Variants in USP39 observed in about 807,000 individuals in gnomAD.
USP39 encodes the protein ubiquitin specific peptidase 39.
USP39 carries 38 observed loss-of-function variants against 66.4 expected under a neutral mutation model. The ratio of observed to expected loss-of-function variants is 0.57; its 90% CI spans 0.44 to 0.75. USP39 has a LOEUF of 0.75. Ranked by LOEUF, USP39 falls within the 30% of genes least tolerant of loss-of-function variation. The pLI, the probability that USP39 is intolerant of heterozygous loss-of-function variation, is 0.00. For synonymous variants in USP39, 303 were observed against 274.6 expected, an observed-to-expected ratio of 1.10 and a Z score of -1.02; for missense variants, 608 against 714.4, an observed-to-expected ratio of 0.85 and a Z score of 1.70.
At chr2:85,634,575 C>G (rs569631517) in intron 6 of USP39, among the ~76,000 whole-genome samples, 1 of 152,050 alleles carries the variant, frequency 6.6e-6, no homozygotes, top group African/African-American at 2.4e-5. Flanking sequence ...CGCTGTGTCG[C>G]GAAGAAAAAA....
intron 5 of USP39, among the ~76,000 whole-genome samples, chr2:85,629,968 T>C (rs910802051): frequency 1.3e-5 from 2 of 149,984 alleles, no homozygotes; most frequent in African/African-American, 2.4e-5. Context: ...TCTCCAAAAA[T>C]AAAAAAAAAA....
intron 5 of USP39, 145 bp from the exon 6 acceptor site, chr2:85,630,576 A>G (rs1675242121): frequency 1.4e-6 from 1 of 690,698 alleles, no homozygotes. Flanking sequence ...CCTGGGTAGG[A>G]TTCTCCAAGG....
Position 85,636,041 on chromosome 2 carries a change from C to G in USP39, c.950-12C>G. On this transcript the variant is annotated splice_polypyrimidine_tract_variant and intron_variant, in intron 6 of 12. Coordinates refer to ENST00000323701, the MANE Select transcript of USP39 (RefSeq NM_006590.4). ...TTAGCTTCAACGTTTTCCACCCTTC[C>G]TTTTTTTCCAGGAGATGGCGTTGAC... 6.2e-7 allele frequency: 1 copy of G among 1,611,892 alleles called. No individual in the cohort carries two copies. The highest frequency in any genetic ancestry group is 8.5e-7 in the Non-Finnish European group (1 of 1,178,016).
chr2:85,613,505 AAC>A (rs1673711424), upstream of USP39, among the ~76,000 whole-genome samples: 1 of 130,036 alleles, frequency 7.7e-6, no homozygotes, highest in African/African-American at 3.5e-5. Flanking sequence ...AAAAACAAAA[AAC>A]AAAAACAAAA....
chr2:85,607,353 G>A (rs1373081543), upstream of USP39: 1 of 152,194 alleles, frequency 6.6e-6, no homozygotes, highest in Non-Finnish European at 1.5e-5. Flanking sequence ...GTTAACATTA[G>A]AAGTCAAAAG....
chr2:85,633,984 C>T (rs888090210), intron 6 of USP39, among the ~76,000 whole-genome samples: 1 of 149,782 alleles, frequency 6.7e-6, no homozygotes, highest in African/African-American at 2.5e-5. Flanking sequence ...ACTACAGGCG[C>T]CCGCCACTAC....
Position 85,630,943 on chromosome 2 carries a change from C to G in USP39, c.946C>G (p.Gln316Glu). The G allele has an allele frequency of 3.1e-6, 5 of 1,613,734 alleles. No individual in the cohort carries two copies. The highest frequency in any genetic ancestry group is 4.2e-6 in the Non-Finnish European group (5 of 1,179,768). The change falls in exon 6 of 13, where the codon CAA (glutamine) becomes GAA (glutamate). Residue 316 changes from glutamine (Q) to glutamate (E), a missense_variant. Transcript: ENST00000323701. ...CSKKTFQITK[Q>E]GDGVDFLSWF... ...TAAGAAGACTTTTCAGATCACCAAA[C>G]AAGGTAAGAACAAGTCATTCATGTT... is the stretch of plus-strand genomic sequence containing the variant.
chr2:85,638,744 T>G (rs1484085193), intron 8 of USP39, among the ~76,000 whole-genome samples: 2 of 151,780 alleles, frequency 1.3e-5, no homozygotes, highest in Non-Finnish European at 2.9e-5. Context: ...TCCGTGTTGG[T>G]CACGTTGGTC....
At position 85,641,022 on chromosome 2, in the gene USP39, C is replaced by T; in HGVS notation, c.1331C>T (p.Thr444Ile). The T allele has an allele frequency of 6.2e-7, 1 of 1,613,842 alleles. No homozygotes were observed. Among genetic ancestry groups the T allele is most frequent in the Non-Finnish European group, 8.5e-7 (1 of 1,179,940 alleles). The change falls in exon 10 of 13, where the codon ACC becomes ATC. Residue 444 changes from threonine to isoleucine, a missense_variant. By Grantham distance (89) the Thr-to-Ile change is moderately conservative. This residue lies in a region of USP39 where 164 missense variants were observed against 250.3 expected (regional missense o/e 0.66). Coordinates refer to ENST00000323701, the MANE Select transcript of USP39 (RefSeq NM_006590.4). ...KENFLKRFQL[T>I]KLPPYLIFCI... ...AACTTTCTGAAGCGCTTCCAGCTTA[C>T]CAAGTTGCCTCCATATCTAATCTTT...
chr2:85,615,368 C>G (rs1488723289), upstream of USP39, among the ~76,000 whole-genome samples: 1 of 152,122 alleles, frequency 6.6e-6, no homozygotes, highest in Non-Finnish European at 1.5e-5. Flanking sequence ...AATTATACCT[C>G]AATGGAACGG....
At chr2:85,642,123 G>T (rs977582757) in intron 10 of USP39, among the ~76,000 whole-genome samples, 5 of 152,064 alleles carry the variant, frequency 3.3e-5, no homozygotes, top group Non-Finnish European at 7.4e-5. Context: ...AGCCCTAGGG[G>T]TTTGTCCAGG....
At position 85,649,028 on chromosome 2, in the gene USP39, T is replaced by A; in HGVS notation, c.*220T>A. The A allele has an allele frequency of 1.7e-6, 1 of 590,232 alleles. No homozygotes were observed. Among genetic ancestry groups the A allele is most frequent in the Non-Finnish European group, 3.0e-6 (1 of 329,514 alleles). The allele number at this position is 590,232 out of a possible 1,614,324, so 36.6% of individuals were successfully genotyped here. On this transcript the variant is annotated 3_prime_UTR_variant, in exon 13 of 13. Coordinates refer to ENST00000323701, the MANE Select transcript of USP39 (RefSeq NM_006590.4). ...TCATTTTTTTCTAGATTGATGCTCC[T>A]TTCTCCCATGCATTGAGCTCCCATC...
At chr2:85,635,412 T>C (rs528095035) in intron 6 of USP39, among the ~76,000 whole-genome samples, 1 of 152,026 alleles carries the variant, frequency 6.6e-6, no homozygotes, top group Admixed American at 6.6e-5. Flanking sequence ...ATACAAAAAT[T>C]AGCTGGGCAT....
At chr2:85,626,982 C>T (rs943306314) in intron 5 of USP39, among the ~76,000 whole-genome samples, 3 of 151,964 alleles carry the variant, frequency 2.0e-5, no homozygotes, top group African/African-American at 4.8e-5. Flanking sequence ...CTCCTGACCT[C>T]GTGATCCACC....
upstream of USP39, among the ~76,000 whole-genome samples, chr2:85,614,686 A>G (rs1166463169): frequency 1.2e-4 from 18 of 152,182 alleles, no homozygotes. Flanking sequence ...TAAAGGATTA[A>G]TTTTATTATT....
chr2:85,613,095 C>T (rs1673678938), upstream of USP39, among the ~76,000 whole-genome samples: 1 of 152,036 alleles, frequency 6.6e-6, no homozygotes, highest in Non-Finnish European at 1.5e-5. Context: ...TGCAGTGGCT[C>T]ATGTCTGTAA....
intron 4 of USP39, among the ~76,000 whole-genome samples, chr2:85,624,260 T>C (rs1674681100): frequency 6.6e-6 from 1 of 152,078 alleles, no homozygotes. Flanking sequence ...GAAAGTCCTC[T>C]TGGGTTTGAT....
At chr2:85,631,522 G>T (rs1675332210) in intron 6 of USP39, among the ~76,000 whole-genome samples, 1 of 152,020 alleles carries the variant, frequency 6.6e-6, no homozygotes, top group Admixed American at 6.6e-5. Context: ...AGTGGATAGT[G>T]TGGTTAGGTT....
chr2:85,615,832 G>T (rs1229277337), upstream of USP39, among the ~76,000 whole-genome samples: 1 of 151,996 alleles, frequency 6.6e-6, no homozygotes, highest in Non-Finnish European at 1.5e-5. Flanking sequence ...GTTTCTCCAT[G>T]TTGGTCAGGT....
Sources: gnomAD v4.1 joint callset for allele counts (sites outside exome capture counted in the v4.1 genomes callset) on GRCh38, gnomAD v4.1.1 for gene constraint, gnomAD v4.1.1 regional missense constraint, MANE v1.5 for transcripts, NCBI Gene and HGNC (gene_info 2026-07-23, HGNC 2026-07-21) for gene names.